Variants in MAOA observed in about 807,000 individuals in gnomAD.
The protein encoded by MAOA is monoamine oxidase A.
MAOA carries 6 observed loss-of-function variants against 42.0 expected under a neutral mutation model. The ratio of observed to expected loss-of-function variants is 0.14; its 90% CI spans 0.08 to 0.28. MAOA has a LOEUF of 0.28. Among genes scored for constraint, MAOA ranks in the 10% least tolerant of loss-of-function variants. The pLI, the probability that MAOA is intolerant of heterozygous loss-of-function variation, is 1.00. For missense variants in MAOA, 262 were observed against 422.3 expected, an observed-to-expected ratio of 0.62 and a Z score of 3.33; for synonymous variants, 140 against 154.0, an observed-to-expected ratio of 0.91 and a Z score of 0.67.
intron 1 of MAOA, among the ~76,000 whole-genome samples, chrX:43,676,087 T>G (rs866851799): frequency 2.7e-5 from 3 of 112,423 alleles, no homozygotes; most frequent in African/African-American, 9.7e-5. Flanking sequence ...TGAGCTGTGG[T>G]GGGCTCCACC....
chrX:43,698,528 A>G (rs5905823), intron 3 of MAOA, among the ~76,000 whole-genome samples: 16,911 of 111,830 alleles, frequency 0.15, 1,303 homozygotes, highest in Non-Finnish European at 0.23. Flanking sequence ...TGATAAATAT[A>G]TAAGTATTTA....
chrX:43,677,559 A>C (rs555258580), intron 1 of MAOA, among the ~76,000 whole-genome samples: 36 of 111,292 alleles, frequency 3.2e-4, no homozygotes, highest in African/African-American at 1.1e-3. Context: ...GGTTTCTGTA[A>C]ATTGCAAATT....
chrX:43,697,675 T>C (rs2147087584), intron 3 of MAOA, among the ~76,000 whole-genome samples: 1 of 112,004 alleles, frequency 8.9e-6, no homozygotes, highest in South Asian at 3.8e-4. Flanking sequence ...TCAACCAAGG[T>C]AGACAACAAT....
At chrX:43,709,545 T>G (rs889072842) in intron 3 of MAOA, among the ~76,000 whole-genome samples, 2 of 111,261 alleles carry the variant, frequency 1.8e-5, no homozygotes, top group Admixed American at 9.6e-5. Flanking sequence ...GGGCAATATT[T>G]ATGTTTTTTA....
intron 5 of MAOA, among the ~76,000 whole-genome samples, chrX:43,718,672 G>A (rs1472827929): frequency 9.1e-6 from 1 of 109,350 alleles, no homozygotes; most frequent in Non-Finnish European, 1.9e-5. Context: ...AGAGGGACAG[G>A]GCAGAGAGAG....
intron 1 of MAOA, among the ~76,000 whole-genome samples, chrX:43,672,794 C>G (rs781568403): frequency 4.1e-4 from 46 of 111,185 alleles, no homozygotes; most frequent in African/African-American, 1.4e-3. Flanking sequence ...GGGATGAAGC[C>G]CACTTGATCA....
At chrX:43,691,503 A>G (rs1366771710) in intron 2 of MAOA, among the ~76,000 whole-genome samples, 2 of 112,570 alleles carry the variant, frequency 1.8e-5, no homozygotes, top group Non-Finnish European at 3.7e-5. Flanking sequence ...TGAAATGTAC[A>G]TATTGTGAGA....
chrX:43,688,484 T>C (rs1424189621), intron 2 of MAOA, among the ~76,000 whole-genome samples: 1 of 112,000 alleles, frequency 8.9e-6, no homozygotes, highest in South Asian at 3.7e-4. Context: ...TTTCACCACA[T>C]TGGCCAGGCT....
intron 9 of MAOA, among the ~76,000 whole-genome samples, chrX:43,733,086 A>G (rs1047420353): frequency 1.8e-5 from 2 of 112,264 alleles, no homozygotes; most frequent in African/African-American, 6.5e-5. Context: ...CTAGACAGGC[A>G]GTATGGTAGC....
At position 43,693,355 on chromosome X, in the gene MAOA, T is replaced by C; in HGVS notation, c.233T>C (p.Leu78Ser). 8.3e-7 allele frequency: 1 copy of C among 1,209,424 alleles called. No individual in the cohort carries two copies. Among genetic ancestry groups the C allele is most frequent in the Non-Finnish European group, 1.1e-6 (1 of 893,295 alleles). The change falls in exon 3 of 15, where the codon TTA becomes TCA. Residue 78 changes from leucine to serine, a missense_variant. Physicochemically the swap from Leu to Ser is moderately radical, Grantham distance 145 (BLOSUM62 -2). Around this residue, in one of 3 missense-constraint regions of MAOA, gnomAD observed 141 missense variants for 195.6 expected, o/e 0.72. Coordinates refer to ENST00000338702, the MANE Select transcript of MAOA (RefSeq NM_000240.4). ...GTGGGACCAACCCAAAACAGAATCT[T>C]ACGCTTGTCTAAGGAGCTGGGCATA... ...AYVGPTQNRILRLSKELGIET... is the reference protein window; with the variant it reads ...AYVGPTQNRISRLSKELGIET...
Position 43,725,939 on chromosome X carries a change from T to C in MAOA, c.504-2234T>C, listed in dbSNP as rs1165781729. On this transcript the variant is annotated intron_variant, in intron 5 of 14. Transcript: ENST00000338702. ...TCTCCTTCATTTATGAAACTTAGTT[T>C]GGCTGGATATGAAATTCTGGGTTGA... is the stretch of plus-strand genomic sequence containing the variant. Among the ~76,000 whole-genome samples, 18 of 111,923 alleles carry C rather than the reference T, an allele frequency of 1.6e-4. No homozygotes were observed. The South Asian group carries it at 2.2e-3, about 14-fold the overall frequency.
At chrX:43,656,107 G>A, upstream of MAOA, 1 of 429,878 alleles carries the variant, frequency 2.3e-6, no homozygotes, top group South Asian at 3.3e-5. Flanking sequence ...GGTCCGCCCC[G>A]CTCTCAGTGC....
chrX:43,681,801 T>A (rs1407308416), intron 1 of MAOA, among the ~76,000 whole-genome samples: 2 of 107,738 alleles, frequency 1.9e-5, no homozygotes, highest in African/African-American at 6.7e-5. Context: ...AACTAGGAAC[T>A]AAGACAGAAT....
chrX:43,670,856 G>C (rs1601926549), intron 1 of MAOA, among the ~76,000 whole-genome samples: 1 of 108,662 alleles, frequency 9.2e-6, no homozygotes, highest in African/African-American at 3.4e-5. Context: ...GGACATTTAG[G>C]TTGGTTCCAA....
intron 5 of MAOA, among the ~76,000 whole-genome samples, chrX:43,719,090 A>T (rs947093944): frequency 9.1e-6 from 1 of 110,343 alleles, no homozygotes; most frequent in Non-Finnish European, 1.9e-5. Flanking sequence ...TTCCTGGATG[A>T]CCCAAAGGGG....
chrX:43,681,273 T>A (rs185520762), intron 1 of MAOA, among the ~76,000 whole-genome samples: 37 of 111,761 alleles, frequency 3.3e-4, no homozygotes, highest in African/African-American at 1.1e-3. Context: ...TGTACAAAAC[T>A]AAGAAATATT....
intron 3 of MAOA, among the ~76,000 whole-genome samples, chrX:43,710,343 T>C (rs2033690593): frequency 8.9e-6 from 1 of 112,606 alleles, no homozygotes; most frequent in South Asian, 3.6e-4. Context: ...CTGCCAAGGT[T>C]ATTTGAATTT....
chrX:43,677,515 C>T (rs1321326896), intron 1 of MAOA, among the ~76,000 whole-genome samples: 3 of 110,335 alleles, frequency 2.7e-5, no homozygotes, highest in African/African-American at 9.9e-5. Flanking sequence ...TTTTTTTTAA[C>T]CTCTCTGATA....
Position 43,744,448 on chromosome X carries a change from T to G in MAOA, c.1519T>G (p.Phe507Val). ...TTCTGGCCTGCTGAAGATCATTGGA[T>G]TTTCCACATCAGTAACTGCCCTGGG... ...SVSGLLKIIG[F>V]STSVTALGFV... Residue 507 changes from phenylalanine (F) to valine (V), a missense_variant, in exon 15 of 15, where the codon TTT becomes GTT. Physicochemically the swap from Phe to Val is conservative, Grantham distance 50. Around this residue, in one of 3 missense-constraint regions of MAOA, gnomAD observed 35 missense variants for 36.4 expected, o/e 0.96. Transcript: ENST00000338702. 1 of 1,210,290 alleles carries G rather than the reference T, an allele frequency of 8.3e-7. No individual in the cohort carries two copies. Among genetic ancestry groups the G allele is most frequent in the Non-Finnish European group, 1.1e-6 (1 of 894,304 alleles).
Sources: allele counts gnomAD v4.1 joint callset (sites outside exome capture counted in the v4.1 genomes callset), GRCh38; gene constraint gnomAD v4.1.1; regional missense constraint gnomAD v4.1.1; transcripts MANE v1.5; gene names NCBI Gene and HGNC (gene_info 2026-07-23, HGNC 2026-07-21).